Variants in CNTNAP2 observed in about 807,000 individuals in gnomAD.
CNTNAP2 encodes contactin-associated protein-like 2.
A neutral mutation model predicts 155.2 loss-of-function variants in CNTNAP2; 98 were observed. The ratio of observed to expected loss-of-function variants is 0.63; its 90% CI spans 0.54 to 0.75. The LOEUF is 0.75. Among genes scored for constraint, CNTNAP2 ranks in the 30% least tolerant of loss-of-function variants. The pLI is 0.00. For missense variants in CNTNAP2, 1,727 were observed against 1,688.1 expected (o/e 1.02, Z -0.40); for synonymous variants, 651 against 631.2 (o/e 1.03, Z -0.47).
intron 12 of CNTNAP2, among the ~76,000 whole-genome samples, chr7:147,569,487 T>C (rs377610781): frequency 5.3e-5 from 8 of 152,184 alleles, no homozygotes; most frequent in African/African-American, 1.9e-4. Context: ...TAATGGTGTA[T>C]GTTTACTGCA....
chr7:147,378,240 GTCT>G, intron 9 of CNTNAP2: 1 of 261,962 alleles, frequency 3.8e-6, no homozygotes, highest in Non-Finnish European at 7.6e-6. Context: ...CTGTAGCTTT[GTCT>G]CATCTGCTTA....
At chr7:147,783,471 GGT>G (rs1797688288) in intron 13 of CNTNAP2, among the ~76,000 whole-genome samples, 1 of 152,074 alleles carries the variant, frequency 6.6e-6, no homozygotes, top group South Asian at 2.1e-4. Flanking sequence ...AATCCTTTTT[GGT>G]GCTTATATTA....
chr7:146,547,085 A>G (rs571711715), intron 1 of CNTNAP2, among the ~76,000 whole-genome samples: 71 of 151,940 alleles, frequency 4.7e-4, no homozygotes, highest in Non-Finnish European at 8.1e-4. Context: ...AGTGTGTCCA[A>G]AGGTCTGAAA....
intron 13 of CNTNAP2, among the ~76,000 whole-genome samples, chr7:147,655,312 G>A (rs1339421174): frequency 1.3e-5 from 2 of 150,760 alleles, no homozygotes; most frequent in Admixed American, 6.6e-5. Flanking sequence ...TATTAGAGAT[G>A]GGGTTTTATC....
intron 1 of CNTNAP2, among the ~76,000 whole-genome samples, chr7:146,596,140 T>C (rs935029009): frequency 1.3e-5 from 2 of 152,040 alleles, no homozygotes; most frequent in Non-Finnish European, 2.9e-5. Flanking sequence ...AATAATCATA[T>C]AAATTCTGCT....
intron 1 of CNTNAP2, among the ~76,000 whole-genome samples, chr7:146,665,329 T>G (rs180864402): frequency 5.3e-5 from 8 of 152,360 alleles, no homozygotes; most frequent in Admixed American, 4.6e-4. Flanking sequence ...TATTATTGAT[T>G]GTTACAAAGA....
intron 1 of CNTNAP2, among the ~76,000 whole-genome samples, chr7:146,265,184 C>T (rs1443737555): frequency 6.6e-6 from 1 of 152,108 alleles, no homozygotes; most frequent in Non-Finnish European, 1.5e-5. Flanking sequence ...TGTTATATAA[C>T]TATCATACAT....
intron 2 of CNTNAP2, among the ~76,000 whole-genome samples, chr7:146,791,964 T>G (rs1457757274): frequency 6.6e-6 from 1 of 152,202 alleles, no homozygotes; most frequent in African/African-American, 2.4e-5. Flanking sequence ...ATGGCTTAGT[T>G]GGAATAGAAA....
At chr7:147,090,360 C>G (rs1800376710) in intron 4 of CNTNAP2, among the ~76,000 whole-genome samples, 1 of 137,662 alleles carries the variant, frequency 7.3e-6, no homozygotes, top group African/African-American at 3.4e-5. Context: ...TGTTACAATT[C>G]TCTGGTATTT....
intron 1 of CNTNAP2, among the ~76,000 whole-genome samples, chr7:146,583,756 C>T (rs1332245389): frequency 6.6e-6 from 1 of 151,938 alleles, no homozygotes; most frequent in Non-Finnish European, 1.5e-5. Context: ...TTTGCATGAC[C>T]TTAGCTCTAT....
intron 1 of CNTNAP2, among the ~76,000 whole-genome samples, chr7:146,380,862 A>G (rs1011897428): frequency 8.7e-4 from 106 of 122,332 alleles, no homozygotes; most frequent in African/African-American, 3.1e-3. Flanking sequence ...CAGTGGCGCA[A>G]TCTCGGCTCA....
At chr7:146,955,408 G>C (rs1450151423) in intron 3 of CNTNAP2, among the ~76,000 whole-genome samples, 1 of 151,866 alleles carries the variant, frequency 6.6e-6, no homozygotes. Context: ...CTCTTAAAAA[G>C]TTAGTCACTC....
In CNTNAP2 at chr7:147,515,328, TG is replaced by T. The variant is rs367951967; in HGVS notation, c.1777+29288del. On this transcript the variant is annotated intron_variant, in intron 11 of 23. Coordinates refer to ENST00000361727, the MANE Select transcript of CNTNAP2 (RefSeq NM_014141.6). ...TTCATAGTTCATTATATTCTTTTTT[TG>T]TTTGTTTGTTTTGAGACAAGTCTCG... Among the ~76,000 whole-genome samples, 14 of 140,268 alleles carry T rather than the reference TG, an allele frequency of 1.0e-4. 1 individual carries two copies. The highest frequency in any genetic ancestry group is 5.0e-4 in the South Asian group (2 of 3,974). The allele number at this position is 140,268 out of a possible 152,430, so 92.0% of individuals were successfully genotyped here. A position where few individuals can be genotyped will look rare whatever the true frequency, so the allele number is the denominator to read the frequency against.
chr7:146,217,438 G>C (rs181714097), intron 1 of CNTNAP2, among the ~76,000 whole-genome samples: 14 of 152,180 alleles, frequency 9.2e-5, no homozygotes, highest in African/African-American at 3.4e-4. Context: ...ATGTCACAGG[G>C]GTTTGGTATA....
At chr7:147,522,208 A>G (rs1288696943) in intron 11 of CNTNAP2, among the ~76,000 whole-genome samples, 1 of 152,108 alleles carries the variant, frequency 6.6e-6, no homozygotes, top group Non-Finnish European at 1.5e-5. Context: ...CCCACCTCTT[A>G]CCACCAGCTT....
intron 4 of CNTNAP2, among the ~76,000 whole-genome samples, chr7:147,100,272 T>G (rs1412388887): frequency 3.9e-5 from 6 of 152,216 alleles, no homozygotes; most frequent in Admixed American, 3.9e-4. Context: ...TTCCTGTGTC[T>G]GTTTTTTGTG....
At chr7:146,256,898 C>A (rs565264102) in intron 1 of CNTNAP2, among the ~76,000 whole-genome samples, 1 of 152,000 alleles carries the variant, frequency 6.6e-6, no homozygotes, top group Non-Finnish European at 1.5e-5. Flanking sequence ...ATCTCTAAGG[C>A]GTTGTGAGAT....
chr7:148,254,690 C>T (rs887549545), intron 20 of CNTNAP2, among the ~76,000 whole-genome samples: 7 of 149,778 alleles, frequency 4.7e-5, no homozygotes, highest in African/African-American at 1.7e-4. Context: ...GCAGGAGAAT[C>T]GCTTGAACCC....
chr7:146,613,690 A>G (rs1799177559), intron 1 of CNTNAP2, among the ~76,000 whole-genome samples: 1 of 152,204 alleles, frequency 6.6e-6, no homozygotes, highest in African/African-American at 2.4e-5. Flanking sequence ...AGTGTATTTT[A>G]TACTTGCAAC....
Sources: gnomAD v4.1 joint callset for allele counts (sites outside exome capture counted in the v4.1 genomes callset) on GRCh38, gnomAD v4.1.1 for gene constraint, MANE v1.5 for transcripts, NCBI Gene and HGNC (gene_info 2026-07-23, HGNC 2026-07-21) for gene names.